The following ZNF562 variants were observed in gnomAD, a reference collection of about 807,000 sequenced individuals.
ZNF562 encodes zinc finger protein 562.
ZNF562 carries 13 observed loss-of-function variants against 17.5 expected under a neutral mutation model. The ratio of observed to expected loss-of-function variants is 0.74; its 90% CI spans 0.48 to 1.18. The LOEUF is 1.18. Among genes scored for constraint, ZNF562 ranks in the 50% most tolerant of loss-of-function variants. ZNF562 has a pLI of 0.00. For missense variants in ZNF562, 481 were observed against 498.5 expected (o/e 0.96, Z 0.33); for synonymous variants, 163 against 165.4 (o/e 0.99, Z 0.11).
intron 1 of ZNF562, among the ~76,000 whole-genome samples, chr19:9,669,705 TGCACGCGCGCGAGCGCGC>T (rs1486348761): frequency 0.012 from 1,199 of 102,828 alleles, 7 homozygotes; most frequent in Admixed American, 0.012. Flanking sequence ...CCTGTCTGCA[TGCACGCGCGCGAGCGCGC>T]GCGCGCGCGC....
chr19:9,665,367 T>C (rs535141014), intron 1 of ZNF562, among the ~76,000 whole-genome samples: 8 of 152,152 alleles, frequency 5.3e-5, no homozygotes, highest in South Asian at 2.1e-4. Flanking sequence ...CAATTCAGTT[T>C]CTACACTGGA....
chr19:9,653,503 T>C lies in ZNF562; in HGVS notation c.727A>G (p.Thr243Ala), dbSNP rs768613322. Residue 243 changes from threonine to alanine, a missense_variant, in exon 6 of 6, where the codon ACT becomes GCT. By Grantham distance (58) the Thr-to-Ala change is moderately conservative. This residue lies in a region of ZNF562 where 403 missense variants were observed against 386.4 expected (regional missense o/e 1.04). Coordinates refer to ENST00000453372, the MANE Select transcript of ZNF562 (RefSeq NM_001130031.2). ...ACACACTGCTTTAAGTGTGAGGAAG[T>C]TGTGATGGCTCTCTCACATTCCTGA... The part of the protein sequence containing the change: ...EFQECERAIT[T>A]SSHLKQCVAV... 3.1e-6 allele frequency: 5 copies of C among 1,614,184 alleles called. No homozygotes were observed. Among genetic ancestry groups the C allele is most frequent in the Non-Finnish European group, 4.2e-6 (5 of 1,180,016 alleles).
Position 9,653,676 on chromosome 19 carries a change from A to G in ZNF562, c.554T>C (p.Phe185Ser), listed in dbSNP as rs143949235. The stretch of plus-strand genomic sequence containing the variant: ...CACAGCAAGGCCTGGAGTTAAGGTG[A>G]AGACTTTTCCACATGGATTAAATTT... ...LSKFNPCGKV[F>S]TLTPGLAVHL... is the part of the protein sequence containing the mutation. Residue 185 changes from phenylalanine to serine, a missense_variant, in exon 6 of 6, where the codon TTC becomes TCC. This residue lies in a region of ZNF562 where 403 missense variants were observed against 386.4 expected (regional missense o/e 1.04). Coordinates refer to ENST00000453372, the MANE Select transcript of ZNF562 (RefSeq NM_001130031.2). 1.3e-3 allele frequency: 2,159 copies of G among 1,614,104 alleles called. 1 individual carries two copies. Among genetic ancestry groups the G allele is most frequent in the Non-Finnish European group, 1.6e-3 (1,864 of 1,179,968 alleles).
chr19:9,663,837 G>T (rs1395403144), intron 1 of ZNF562, among the ~76,000 whole-genome samples: 1 of 151,478 alleles, frequency 6.6e-6, no homozygotes, highest in Non-Finnish European at 1.5e-5. Context: ...GAGTAGCTGG[G>T]ACTCCCTAGT....
Position 9,658,071 on chromosome 19 carries a change from G to C in ZNF562, c.179C>G (p.Thr60Arg). 3 of 1,613,872 alleles carry C rather than the reference G, an allele frequency of 1.9e-6. No homozygotes were observed. The highest frequency in any genetic ancestry group is 1.7e-6 in the Non-Finnish European group (2 of 1,179,896). The change falls in exon 4 of 6, where the codon ACA becomes AGA. Residue 60 changes from threonine to arginine, a missense_variant. Thr to Arg is a moderately conservative substitution (Grantham distance 71). This residue lies in a region of ZNF562 where 403 missense variants were observed against 386.4 expected (regional missense o/e 1.04). Transcript: ENST00000453372. ...FTPEEWALLD[T>R]TQKYLYRDVM... is the part of the protein sequence containing the mutation. ...ATCTCTGTAGAGGTATTTCTGAGTT[G>C]TGTCCAGTAAAGCCCACTCCTCTGG...
chr19:9,658,213 C>T (rs554086262), intron 3 of ZNF562, 78 bp from the exon 4 acceptor site: 25 of 1,514,744 alleles, frequency 1.7e-5, no homozygotes, highest in Admixed American at 4.1e-5. Flanking sequence ...GAAAGGGGAA[C>T]CTTATACTCA....
In ZNF562 at chr19:9,646,828, G is replaced by A. The variant is rs1302704300; in HGVS notation, c.*6121C>T. On this transcript the variant is annotated 3_prime_UTR_variant, in exon 6 of 6. Transcript: ENST00000453372. Reference sequence around the variant, plus strand: ...CTCTTGTCACCCAGGCTGGAGTGCAGTGGCAAGAACTCAACTCACTGCAAC... The same window carrying A: ...CTCTTGTCACCCAGGCTGGAGTGCAATGGCAAGAACTCAACTCACTGCAAC... The A allele has an allele frequency of 2.7e-5, 4 of 148,790 alleles. No homozygotes were observed. Among genetic ancestry groups the A allele is most frequent in the African/African-American group, 1.0e-4 (4 of 40,192 alleles). 9.2% of individuals were successfully genotyped at this position (148,790 alleles called of 1,614,324 possible). A position where few individuals can be genotyped will look rare whatever the true frequency, so the allele number is the denominator to read the frequency against.
intron 4 of ZNF562, among the ~76,000 whole-genome samples, 195 bp downstream of exon 4, chr19:9,657,814 T>C (rs1406019323): frequency 6.6e-6 from 1 of 152,126 alleles, no homozygotes; most frequent in African/African-American, 2.4e-5. Context: ...TCCAAAGTGC[T>C]GGGATTACAG....
intron 1 of ZNF562, among the ~76,000 whole-genome samples, chr19:9,662,941 G>C (rs2043811430): frequency 6.6e-6 from 1 of 151,836 alleles, no homozygotes; most frequent in Non-Finnish European, 1.5e-5. Flanking sequence ...TCGAACCCGG[G>C]AGGTGCCCAC....
chr19:9,653,604 C>G lies in ZNF562; in HGVS notation c.626G>C (p.Cys209Ser), dbSNP rs771425297. 4 of 1,614,144 alleles carry G rather than the reference C, an allele frequency of 2.5e-6. No homozygotes were observed. The highest frequency in any genetic ancestry group is 3.4e-6 in the Non-Finnish European group (4 of 1,180,006). ...TGCAAAATACTTAAAGCCTTTTCCA[C>G]ATTCCTTACATTTGTAGGGTTGTCT... Reference protein sequence around the residue: ...NGRQPYKCKECGKGFKYFASL... With the variant: ...NGRQPYKCKESGKGFKYFASL... Residue 209 changes from cysteine to serine, a missense_variant, in exon 6 of 6, where the codon TGT (cysteine) becomes TCT (serine). Cys to Ser is a moderately radical substitution (Grantham distance 112). Transcript: ENST00000453372.
chr19:9,660,600 C>T lies in ZNF562; in HGVS notation c.25+120G>A, dbSNP rs927079455. 5 of 961,112 alleles carry T rather than the reference C, an allele frequency of 5.2e-6. No homozygotes were observed. In the African/African-American group the frequency reaches 6.2e-5, roughly 12 times the overall value. 59.5% of individuals were successfully genotyped at this position (961,112 alleles called of 1,614,324 possible). On this transcript the variant is annotated intron_variant, in intron 2 of 5. Transcript: ENST00000453372. ...CAGCCTGGGCAACAAGAGCAAAACT[C>T]CATCTAAAAGAAAAAAAAAAAAAGC...
In ZNF562 at chr19:9,654,563, G is replaced by GCGGTT. The variant is rs1214968415; in HGVS notation, c.349-687_349-683dup. 2.0e-5 allele frequency among the ~76,000 whole-genome samples: 3 copies of GCGGTT among 152,076 alleles called. 1 individual carries two copies. The highest frequency in any genetic ancestry group is 2.0e-4 in the Admixed American group (3 of 15,250). On this transcript the variant is annotated intron_variant, in intron 5 of 5. Transcript: ENST00000453372. The stretch of plus-strand genomic sequence containing the variant: ...TGCAACCTCCGCCTCCTGGGTTCAA[G>GCGGTT]CGGTTCTTCTGCCTCAGCCTGCCAA...
rs979494914 is a variant in ZNF562 at position 9,650,350 on chromosome 19, T to A, written c.*2599A>T. The A allele has an allele frequency of 6.6e-6, 1 of 151,408 alleles. No individual in the cohort carries two copies. Among genetic ancestry groups the A allele is most frequent in the African/African-American group, 2.4e-5 (1 of 41,208 alleles). 9.4% of individuals were successfully genotyped at this position (151,408 alleles called of 1,614,324 possible). A position where few individuals can be genotyped will look rare whatever the true frequency, so the allele number is the denominator to read the frequency against. ...TAAATAATGACTCTTACTGTTCCAC[T>A]TTAGGAGTTAGGTATACATACATAT... On this transcript the variant is annotated 3_prime_UTR_variant, in exon 6 of 6. Transcript: ENST00000453372.
At position 9,668,318 on chromosome 19, in the gene ZNF562, T is replaced by A. The variant is rs1006525820; in HGVS notation, c.-131+6697A>T. Among the ~76,000 whole-genome samples the A allele has an allele frequency of 6.6e-5, 10 of 152,018 alleles. No homozygotes were observed. In the East Asian group the frequency reaches 9.7e-4, roughly 15 times the overall value. The stretch of plus-strand genomic sequence containing the variant: ...CTTGAGCCCAGGAGTTCAAGGCTGC[T>A]GCATGAGCTACAACTGCACCACTGT... On this transcript the variant is annotated intron_variant, in intron 1 of 5. Transcript: ENST00000453372.
At chr19:9,670,484 G>A (rs2044149696) in intron 1 of ZNF562, among the ~76,000 whole-genome samples, 1 of 150,260 alleles carries the variant, frequency 6.7e-6, no homozygotes. Flanking sequence ...ATAGACAGCA[G>A]ATTATTATTC....
chr19:9,659,753 CT>C (rs2043650968), intron 2 of ZNF562, among the ~76,000 whole-genome samples: 1 of 151,758 alleles, frequency 6.6e-6, no homozygotes, highest in Non-Finnish European at 1.5e-5. Context: ...ACTCATGAAG[CT>C]TATGTAGCAT....
At chr19:9,665,232 A>AC (rs2043909541) in intron 1 of ZNF562, among the ~76,000 whole-genome samples, 1 of 152,016 alleles carries the variant, frequency 6.6e-6, no homozygotes, top group Non-Finnish European at 1.5e-5. Flanking sequence ...AAAAAAAAAA[A>AC]AAAAGCAGTT....
At chr19:9,664,974 C>A (rs1230629778) in intron 1 of ZNF562, among the ~76,000 whole-genome samples, 1 of 152,298 alleles carries the variant, frequency 6.6e-6, no homozygotes, top group East Asian at 1.9e-4. Flanking sequence ...GTAATGCCAG[C>A]ACTTTGGGAG....
intron 3 of ZNF562, among the ~76,000 whole-genome samples, chr19:9,658,630 G>A (rs2043610730): frequency 1.3e-5 from 2 of 152,138 alleles, no homozygotes; most frequent in African/African-American, 4.8e-5. Context: ...GATTATAGGT[G>A]TGAGACACCA....
Sources: gnomAD v4.1 joint callset for allele counts (sites outside exome capture counted in the v4.1 genomes callset) on GRCh38, gnomAD v4.1.1 for gene constraint, gnomAD v4.1.1 regional missense constraint, MANE v1.5 for transcripts, NCBI Gene and HGNC (gene_info 2026-07-23, HGNC 2026-07-21) for gene names.